The following DDHD1 variants were observed in gnomAD, a reference collection of about 807,000 sequenced individuals.
The protein encoded by DDHD1 is phospholipase DDHD1.
In DDHD1, 49 loss-of-function variants were observed where a neutral mutation model predicts 96.4. The ratio of observed to expected loss-of-function variants is 0.51; its 90% CI spans 0.40 to 0.64. The LOEUF (loss-of-function observed/expected upper bound fraction) is 0.64. Ranked by LOEUF, DDHD1 falls within the 30% of genes least tolerant of loss-of-function variation. The pLI, the probability that DDHD1 is intolerant of heterozygous loss-of-function variation, is 0.00. For missense variants in DDHD1, 1,106 were observed against 1,161.2 expected (o/e 0.95, Z 0.69); for synonymous variants, 442 against 446.5 (o/e 0.99, Z 0.13).
Position 53,076,605 on chromosome 14 carries a change from C to CA in DDHD1, c.1290-2759dup, listed in dbSNP as rs370401421. Among the ~76,000 whole-genome samples the CA allele has an allele frequency of 2.4e-3, 372 of 152,290 alleles. 1 individual carries two copies. Among genetic ancestry groups the CA allele is most frequent in the African/African-American group, 8.5e-3 (354 of 41,552 alleles). ...GATTCAAATTTTCAAGTAAGTTCTA[C>CA]AGTGGGTAAAACGCTCTCAAACTGC... On this transcript the variant is annotated intron_variant, in intron 4 of 12. Transcript: ENST00000673822.
intron 11 of DDHD1, chr14:53,054,208 C>T (rs113106749): frequency 9.1e-6 from 4 of 441,776 alleles, no homozygotes; most frequent in African/African-American, 2.0e-5. Context: ...TGCCACAAGG[C>T]CCTAATTACT....
At position 53,153,189 on chromosome 14, in the gene DDHD1, C is replaced by T; in HGVS notation, c.-91G>A. The T allele has an allele frequency of 1.7e-6, 2 of 1,153,394 alleles. No homozygotes were observed. Among genetic ancestry groups the T allele is most frequent in the Non-Finnish European group, 2.3e-6 (2 of 884,134 alleles). The allele number at this position is 1,153,394 out of a possible 1,614,324, so 71.4% of individuals were successfully genotyped here. ...CATTCAACGCCGCCGCCCTCTCCAC[C>T]CGAAGTTTCTAATCTTTCAAATCCC... On this transcript the variant is annotated 5_prime_UTR_variant, in exon 1 of 13. Coordinates refer to ENST00000673822, the MANE Select transcript of DDHD1 (RefSeq NM_001160148.2).
At chr14:53,104,235 G>A (rs962869497) in intron 1 of DDHD1, among the ~76,000 whole-genome samples, 10 of 152,092 alleles carry the variant, frequency 6.6e-5, no homozygotes, top group Non-Finnish European at 1.5e-4. Flanking sequence ...GAGCTGCTGC[G>A]CCTGGCCCAT....
intron 6 of DDHD1, among the ~76,000 whole-genome samples, chr14:53,070,439 A>G (rs1884420032): frequency 6.6e-6 from 1 of 152,212 alleles, no homozygotes; most frequent in South Asian, 2.1e-4. Flanking sequence ...TAATTCTATC[A>G]TATTTTGAAT....
intron 1 of DDHD1, among the ~76,000 whole-genome samples, chr14:53,113,285 A>G (rs919391303): frequency 6.6e-6 from 1 of 151,476 alleles, no homozygotes; most frequent in Non-Finnish European, 1.5e-5. Context: ...ACTATTTTTT[A>G]AAAAAGGGTT....
chr14:53,079,854 CT>C (rs932227483), intron 4 of DDHD1, among the ~76,000 whole-genome samples: 1 of 152,032 alleles, frequency 6.6e-6, no homozygotes, highest in Admixed American at 6.6e-5. Flanking sequence ...GTGCATGCCT[CT>C]TTTATTTTTT....
At chr14:53,073,882 C>T (rs780384372) in intron 4 of DDHD1, 35 bp from the exon 5 acceptor site, 18 of 1,551,424 alleles carry the variant, frequency 1.2e-5, no homozygotes, top group Non-Finnish European at 1.4e-5. Context: ...GCAAACAAAG[C>T]TTTATGAGAA....
chr14:53,113,132 C>T (rs1888237586), intron 1 of DDHD1, among the ~76,000 whole-genome samples: 1 of 151,022 alleles, frequency 6.6e-6, no homozygotes, highest in South Asian at 2.1e-4. Flanking sequence ...GCTAACTTTT[C>T]TATTTTTTTT....
At chr14:53,144,112 G>C (rs1890824808) in intron 1 of DDHD1, among the ~76,000 whole-genome samples, 2 of 152,164 alleles carry the variant, frequency 1.3e-5, no homozygotes, top group South Asian at 4.1e-4. Flanking sequence ...AAAACAAATA[G>C]ATAATGTAGT....
intron 1 of DDHD1, among the ~76,000 whole-genome samples, chr14:53,121,821 C>A (rs1889012771): frequency 6.6e-6 from 1 of 151,180 alleles, no homozygotes; most frequent in Non-Finnish European, 1.5e-5. Context: ...GCATGCAGGG[C>A]TTAAAATCTA....
At chr14:53,140,803 T>C (rs1890592673) in intron 1 of DDHD1, among the ~76,000 whole-genome samples, 1 of 152,116 alleles carries the variant, frequency 6.6e-6, no homozygotes, top group African/African-American at 2.4e-5. Flanking sequence ...GTTGTCAGAA[T>C]GAATTTTAAA....
intron 1 of DDHD1, among the ~76,000 whole-genome samples, chr14:53,147,091 T>C (rs1489756998): frequency 4.6e-5 from 7 of 152,186 alleles, no homozygotes; most frequent in Non-Finnish European, 1.0e-4. Context: ...AGGCTTCCTG[T>C]GAATAATACA....
At position 53,091,932 on chromosome 14, in the gene DDHD1, G is replaced by A; in HGVS notation, c.1142C>T (p.Ala381Val). 1 of 1,596,908 alleles carries A rather than the reference G, an allele frequency of 6.3e-7. No individual in the cohort carries two copies. The highest frequency in any genetic ancestry group is 8.5e-7 in the Non-Finnish European group (1 of 1,171,128). The change falls in exon 4 of 13, where the codon GCA becomes GTA. Residue 381 changes from alanine to valine, a missense_variant and splice_region_variant. Ala to Val is a moderately conservative substitution (Grantham distance 64, BLOSUM62 0). Coordinates refer to ENST00000673822, the MANE Select transcript of DDHD1 (RefSeq NM_001160148.2). The stretch of plus-strand genomic sequence containing the variant: ...ATGAAGTCTGGTACCACTACTTGAT[G>A]CTGTAGAAAAATTATAATTCTAAGT... ...TVTQKLGFSK[A>V]SSSGTRLHRG... is the part of the protein sequence containing the mutation.
intron 1 of DDHD1, among the ~76,000 whole-genome samples, chr14:53,113,794 T>G (rs1191205391): frequency 2.0e-5 from 3 of 152,138 alleles, no homozygotes; most frequent in Admixed American, 2.0e-4. Flanking sequence ...AGCACATAAC[T>G]GGGCAGCTGT....
intron 2 of DDHD1, among the ~76,000 whole-genome samples, chr14:53,097,488 T>C (rs1056983624): frequency 2.0e-5 from 3 of 152,014 alleles, no homozygotes; most frequent in African/African-American, 4.8e-5. Flanking sequence ...TCTTCTTTCA[T>C]GTGCCTTCTG....
chr14:53,103,006 A>C (rs1223885387), intron 2 of DDHD1: 4 of 1,552,852 alleles, frequency 2.6e-6, no homozygotes, highest in South Asian at 2.4e-5. Flanking sequence ...TACAAATTCT[A>C]ATCTACCTGT....
intron 4 of DDHD1, among the ~76,000 whole-genome samples, chr14:53,074,548 G>T (rs532956875): frequency 6.6e-6 from 1 of 151,718 alleles, no homozygotes; most frequent in Non-Finnish European, 1.5e-5. Context: ...TTTAATTTCA[G>T]CAAATATGTA....
In DDHD1 at chr14:53,055,966, G is replaced by C. The variant is rs1321504689; in HGVS notation, c.1993-54C>G. 6.0e-6 allele frequency: 9 copies of C among 1,491,018 alleles called. No individual in the cohort carries two copies. In the East Asian group the frequency reaches 1.8e-4, roughly 30 times the overall value. 92.4% of individuals were successfully genotyped at this position (1,491,018 alleles called of 1,614,324 possible). A position where few individuals can be genotyped will look rare whatever the true frequency, so the allele number is the denominator to read the frequency against. ...ACACAGTGTTAAATCACAATGCTTG[G>C]ATTTTAGTAAACTGTTCTTACTCTA... On this transcript the variant is annotated intron_variant, in intron 9 of 12. Coordinates refer to ENST00000673822, the MANE Select transcript of DDHD1 (RefSeq NM_001160148.2).
At chr14:53,111,294 T>C (rs1203552970) in intron 1 of DDHD1, among the ~76,000 whole-genome samples, 1 of 152,266 alleles carries the variant, frequency 6.6e-6, no homozygotes, top group Non-Finnish European at 1.5e-5. Context: ...CCATCCTTTA[T>C]GTTTTCTTAT....
Sources: gnomAD v4.1 joint callset for allele counts (sites outside exome capture counted in the v4.1 genomes callset) on GRCh38, gnomAD v4.1.1 for gene constraint, MANE v1.5 for transcripts, NCBI Gene and HGNC (gene_info 2026-07-23, HGNC 2026-07-21) for gene names.